Variants in ATP10A observed in about 807,000 individuals in gnomAD.
ATP10A encodes phospholipid-transporting ATPase VA.
In ATP10A, 111 loss-of-function variants were observed where a neutral mutation model predicts 147.8. That is an observed-to-expected ratio of 0.75 (90% confidence interval 0.64 to 0.88). The LOEUF (loss-of-function observed/expected upper bound fraction) is 0.88. ATP10A is among the 40% of genes least tolerant of loss of function. The pLI is 0.00. For synonymous variants in ATP10A, 875 were observed against 841.6 expected, an observed-to-expected ratio of 1.04 and a Z score of -0.69; for missense variants, 1,927 against 1,959.0, an observed-to-expected ratio of 0.98 and a Z score of 0.31.
intron 1 of ATP10A, among the ~76,000 whole-genome samples, chr15:25,819,602 A>G (rs760662317): frequency 2.0e-4 from 30 of 152,134 alleles, no homozygotes; most frequent in Non-Finnish European, 3.8e-4. Flanking sequence ...AAAAATCATT[A>G]TATCAAAAAG....
intron 6 of ATP10A, among the ~76,000 whole-genome samples, chr15:25,722,306 C>G (rs1028568011): frequency 6.6e-6 from 1 of 152,164 alleles, no homozygotes; most frequent in Non-Finnish European, 1.5e-5. Flanking sequence ...GCATTCGACC[C>G]CCAGGCTTTC....
chr15:25,778,979 C>T lies in ATP10A; in HGVS notation c.654+2040G>A, dbSNP rs1404905116. Among the ~76,000 whole-genome samples the T allele has an allele frequency of 5.3e-5, 8 of 152,076 alleles. 1 individual carries two copies. The highest frequency in any genetic ancestry group is 1.7e-4 in the African/African-American group (7 of 41,398). Reference sequence around the variant, plus strand: ...ACAACCTCTGCCTCCCGGGTTCAAGCGATTCTCCTGCCTCAGCCTCCCGAG... The same window carrying T: ...ACAACCTCTGCCTCCCGGGTTCAAGTGATTCTCCTGCCTCAGCCTCCCGAG... On this transcript the variant is annotated intron_variant, in intron 2 of 20. Coordinates refer to ENST00000555815, the MANE Select transcript of ATP10A (RefSeq NM_024490.4).
chr15:25,796,045 G>A (rs3926450), intron 1 of ATP10A, among the ~76,000 whole-genome samples: 18,281 of 152,234 alleles, frequency 0.12, 1,293 homozygotes, highest in Non-Finnish European at 0.17. Context: ...ACAGCCTGCA[G>A]AACCGTGAGC....
intron 1 of ATP10A, among the ~76,000 whole-genome samples, chr15:25,782,674 T>C (rs1236949323): frequency 6.6e-6 from 1 of 152,152 alleles, no homozygotes; most frequent in Admixed American, 6.5e-5. Context: ...TCAACAGATA[T>C]TTAGATTAAA....
chr15:25,761,148 T>A (rs1047844532), intron 2 of ATP10A, among the ~76,000 whole-genome samples: 3 of 152,146 alleles, frequency 2.0e-5, no homozygotes, highest in African/African-American at 4.8e-5. Flanking sequence ...CTCAAAATAT[T>A]TATACTGAGA....
intron 1 of ATP10A, among the ~76,000 whole-genome samples, chr15:25,786,807 T>TTTC (rs1890190980): frequency 6.7e-6 from 1 of 149,308 alleles, no homozygotes; most frequent in East Asian, 2.0e-4. Flanking sequence ...TTTTTTTTTT[T>TTTC]TGTATTTTTA....
chr15:25,713,021 G>C (rs1171225481), intron 10 of ATP10A, among the ~76,000 whole-genome samples: 2 of 152,208 alleles, frequency 1.3e-5, no homozygotes, highest in Admixed American at 1.3e-4. Flanking sequence ...AGCAGCTGCT[G>C]CCCAGAGGTA....
At chr15:25,705,451 A>C (rs1272077281) in intron 12 of ATP10A, among the ~76,000 whole-genome samples, 140 of 13,664 alleles carry the variant, frequency 0.01, no homozygotes, top group Admixed American at 0.017. Context: ...AAAAAAAAAA[A>C]AACAAAAAAA....
intron 13 of ATP10A, among the ~76,000 whole-genome samples, chr15:25,699,169 C>T (rs998399944): frequency 7.2e-5 from 11 of 152,102 alleles, no homozygotes; most frequent in African/African-American, 2.4e-4. Context: ...GGAGGAATAA[C>T]ACTACCAATT....
chr15:25,675,762 A>G (rs959578734), downstream of ATP10A, among the ~76,000 whole-genome samples: 2 of 152,180 alleles, frequency 1.3e-5, no homozygotes, highest in African/African-American at 4.8e-5. Flanking sequence ...CCTGGCCAAC[A>G]CGGCGAAAGC....
Position 25,777,728 on chromosome 15 carries a change from C to G in ATP10A, c.654+3291G>C, listed in dbSNP as rs573621120. On this transcript the variant is annotated intron_variant, in intron 2 of 20. Coordinates refer to ENST00000555815, the MANE Select transcript of ATP10A (RefSeq NM_024490.4). ...CATCCTTCCCATTCAATCCCTTGAG[C>G]AGCTAGGACCACAGCTGCACACCAC... 5.7e-4 allele frequency among the ~76,000 whole-genome samples: 87 copies of G among 151,790 alleles called. 1 individual carries two copies. The highest frequency in any genetic ancestry group is 1.1e-3 in the Non-Finnish European group (76 of 67,960).
intron 2 of ATP10A, among the ~76,000 whole-genome samples, chr15:25,780,321 C>T (rs1889852025): frequency 6.6e-6 from 1 of 152,254 alleles, no homozygotes; most frequent in African/African-American, 2.4e-5. Flanking sequence ...GAGAAGGAGG[C>T]TTGGGAGGAG....
At chr15:25,726,151 G>A (rs559904449) in intron 4 of ATP10A, 69 bp from the exon 5 acceptor site, 20 of 1,545,178 alleles carry the variant, frequency 1.3e-5, no homozygotes, top group African/African-American at 1.1e-4. Flanking sequence ...CATGGATGGC[G>A]TGGAGGGAAT....
chr15:25,742,223 A>T (rs901886952), intron 2 of ATP10A, among the ~76,000 whole-genome samples: 8 of 152,248 alleles, frequency 5.3e-5, no homozygotes, highest in African/African-American at 1.9e-4. Context: ...GGACAATGAG[A>T]ACTGGCATCC....
chr15:25,718,403 C>A lies in ATP10A; in HGVS notation c.1364-4G>T, dbSNP rs750275239. The A allele has an allele frequency of 2.5e-6, 4 of 1,587,260 alleles. No individual in the cohort carries two copies. Among genetic ancestry groups the A allele is most frequent in the South Asian group, 1.1e-5 (1 of 88,050 alleles). On this transcript the variant is annotated splice_region_variant and splice_polypyrimidine_tract_variant and intron_variant, in intron 7 of 20. Transcript: ENST00000555815. ...TGGTACCTGGCCAGACGCTGCGCTG[C>A]GGGGAGAGGGCGCAGGGTGAGGCAT...
chr15:25,726,006 G>C lies in ATP10A; in HGVS notation c.924C>G (p.Cys308Trp). 2 of 1,614,068 alleles carry C rather than the reference G, an allele frequency of 1.2e-6. No individual in the cohort carries two copies. The highest frequency in any genetic ancestry group is 1.1e-5 in the South Asian group (1 of 91,082). ...GGAGCAGGACACACCAGAGCACGTCGCAGTTCATCTGCCTCTCCAGCTTGC... is the reference window on the plus strand; with the variant it reads ...GGAGCAGGACACACCAGAGCACGTCCCAGTTCATCTGCCTCTCCAGCTTGC... Reference protein sequence around the residue: ...KRSKLERQMNCDVLWCVLLLV... With the variant: ...KRSKLERQMNWDVLWCVLLLV... The change falls in exon 5 of 21, where the codon TGC becomes TGG. Residue 308 changes from cysteine to tryptophan, a missense_variant. Transcript: ENST00000555815.
rs569497548 is a variant in ATP10A, at chr15:25,717,319, T to TTGAC, written c.1582-399_1582-396dup. Among the ~76,000 whole-genome samples the TTGAC allele has an allele frequency of 6.6e-5, 10 of 152,384 alleles. No individual in the cohort carries two copies. In the South Asian group the frequency reaches 2.1e-3, roughly 32 times the overall value. The stretch of plus-strand genomic sequence containing the variant: ...TGAAAATGGATATGTCATCATTTAT[T>TTGAC]TGACCATCCCTTTATCACTGGATAT... On this transcript the variant is annotated intron_variant, in intron 8 of 20. Coordinates refer to ENST00000555815, the MANE Select transcript of ATP10A (RefSeq NM_024490.4).
chr15:25,759,816 A>AT lies in ATP10A; in HGVS notation c.654+21202dup, dbSNP rs1429819803. Among the ~76,000 whole-genome samples, 3 of 150,470 alleles carry AT rather than the reference A, an allele frequency of 2.0e-5. No individual in the cohort carries two copies. The East Asian group carries it at 5.9e-4, about 29-fold the overall frequency. On this transcript the variant is annotated intron_variant, in intron 2 of 20. Coordinates refer to ENST00000555815, the MANE Select transcript of ATP10A (RefSeq NM_024490.4). ...GACCCTGTCTCAAAAAAAAAAAAAA[A>AT]TAGTGAAAAGTTTTTCTTTACCTTT...
chr15:25,843,412 T>A (rs1400402878), intron 1 of ATP10A, among the ~76,000 whole-genome samples: 2 of 151,936 alleles, frequency 1.3e-5, no homozygotes, highest in African/African-American at 4.8e-5. Flanking sequence ...GTGGGGAGCA[T>A]CATAAATTCA....
Sources: gnomAD v4.1 joint callset for allele counts (sites outside exome capture counted in the v4.1 genomes callset) on GRCh38, gnomAD v4.1.1 for gene constraint, MANE v1.5 for transcripts, NCBI Gene and HGNC (gene_info 2026-07-23, HGNC 2026-07-21) for gene names.